The following MRTFB variants were observed in gnomAD, a reference collection of about 807,000 sequenced individuals.
The protein encoded by MRTFB is myocardin-related transcription factor B.
A neutral mutation model predicts 104.2 loss-of-function variants in MRTFB; 29 were observed. The observed-to-expected ratio is 0.28, with a 90% CI of 0.21 to 0.38. The LOEUF (loss-of-function observed/expected upper bound fraction) is 0.38. Among genes scored for constraint, MRTFB ranks in the 10% least tolerant of loss-of-function variants. The pLI is 1.00. For missense variants in MRTFB, 1,270 were observed against 1,341.6 expected (o/e 0.95, Z 0.83); for synonymous variants, 535 against 519.5 (o/e 1.03, Z -0.41).
At chr16:14,161,903 G>C (rs1439740405) in intron 3 of MRTFB, among the ~76,000 whole-genome samples, 1 of 152,150 alleles carries the variant, frequency 6.6e-6, no homozygotes, top group African/African-American at 2.4e-5. Context: ...AGAGCAGTTG[G>C]TGGGTACATA....
At chr16:14,100,884 A>G (rs1027760090) in intron 2 of MRTFB, among the ~76,000 whole-genome samples, 20 of 152,294 alleles carry the variant, frequency 1.3e-4, no homozygotes, top group Non-Finnish European at 2.4e-4. Context: ...CCCTATTAGC[A>G]TAGAATCTAT....
At chr16:14,164,861 A>C (rs1318452844) in intron 3 of MRTFB, among the ~76,000 whole-genome samples, 1 of 151,842 alleles carries the variant, frequency 6.6e-6, no homozygotes, top group Admixed American at 6.6e-5. Context: ...CTCAATTATG[A>C]GCATTTTTGC....
At chr16:14,072,884 A>T (rs2033802751) in intron 1 of MRTFB, among the ~76,000 whole-genome samples, 1 of 152,214 alleles carries the variant, frequency 6.6e-6, no homozygotes, top group African/African-American at 2.4e-5. Flanking sequence ...ATATTGTAGA[A>T]TTTTTTGTGT....
chr16:14,041,698 G>A, the MRTFB span, among the ~76,000 whole-genome samples: 4 of 151,754 alleles, frequency 2.6e-5, no homozygotes, highest in East Asian at 1.9e-4. Context: ...AGGTCGGGGC[G>A]GGCAGATCAC....
At chr16:14,236,703 C>T (rs2042531581) in intron 9 of MRTFB, among the ~76,000 whole-genome samples, 1 of 152,130 alleles carries the variant, frequency 6.6e-6, no homozygotes, top group Admixed American at 6.5e-5. Flanking sequence ...CAGCAATGGC[C>T]GAGGCAGACA....
Position 14,234,238 on chromosome 16 carries a change from C to T in MRTFB, c.786C>T (p.Pro262=), listed in dbSNP as rs780360188. 4 of 1,614,024 alleles carry T rather than the reference C, an allele frequency of 2.5e-6. No homozygotes were observed. Among genetic ancestry groups the T allele is most frequent in the Admixed American group, 1.7e-5 (1 of 60,002 alleles). ...CACGGCCTGCAGCTCCTGTCCTCCC[C>T]ACAAACACTGTGTCCTCAGCAAAGC... ...PPPRPAAPVL[P]TNTVSSAKPG... Residue 262 remains proline (P), a synonymous_variant, in exon 9 of 17, where the codon CCC becomes CCT. Transcript: ENST00000571589.
the MRTFB span, among the ~76,000 whole-genome samples, chr16:14,040,100 G>C: frequency 3.3e-5 from 5 of 152,266 alleles, no homozygotes; most frequent in East Asian, 9.6e-4. Context: ...TCTGTCCATT[G>C]CTTTAAATTA....
chr16:14,133,718 T>C (rs148538728), intron 2 of MRTFB, among the ~76,000 whole-genome samples: 264 of 152,328 alleles, frequency 1.7e-3, no homozygotes, highest in African/African-American at 5.8e-3. Flanking sequence ...TATAAACATT[T>C]ACTTCTTAGC....
chr16:14,145,311 A>T (rs1432496979), intron 3 of MRTFB, among the ~76,000 whole-genome samples: 1 of 152,144 alleles, frequency 6.6e-6, no homozygotes, highest in Non-Finnish European at 1.5e-5. Context: ...TTATTCCTAG[A>T]CATTTGAATT....
chr16:14,114,918 A>G (rs190303435), intron 2 of MRTFB, among the ~76,000 whole-genome samples: 27 of 152,324 alleles, frequency 1.8e-4, no homozygotes, highest in Admixed American at 1.2e-3. Flanking sequence ...AGCACCTACA[A>G]TAAATAGTGC....
rs866881237 is a variant in MRTFB at position 14,234,426 on chromosome 16, A to G, written c.831+143A>G. 16 of 933,320 alleles carry G rather than the reference A, an allele frequency of 1.7e-5. No individual in the cohort carries two copies. The African/African-American group carries it at 2.5e-4, about 15-fold the overall frequency. 57.8% of individuals were successfully genotyped at this position (933,320 alleles called of 1,614,324 possible). On this transcript the variant is annotated intron_variant, in intron 9 of 16. Coordinates refer to ENST00000571589, the MANE Select transcript of MRTFB (RefSeq NM_001308142.2). ...GTCTTAAAAACTAAGCCATGCAAAG[A>G]CTTGCTAGACTGGGGTCTTCATGTT... is the stretch of plus-strand genomic sequence containing the variant.
intron 3 of MRTFB, among the ~76,000 whole-genome samples, chr16:14,164,015 A>G (rs2039139590): frequency 6.6e-6 from 1 of 152,320 alleles, no homozygotes. Flanking sequence ...TATTTAGGAT[A>G]TCCATCACCT....
At chr16:14,023,571 A>G in the MRTFB span, among the ~76,000 whole-genome samples, 4 of 145,386 alleles carry the variant, frequency 2.8e-5, no homozygotes, top group Admixed American at 1.4e-4. Flanking sequence ...ATCGGCCCCC[A>G]AGGGCAGATA....
chr16:14,225,903 G>C (rs776488665), intron 8 of MRTFB, among the ~76,000 whole-genome samples: 10 of 152,168 alleles, frequency 6.6e-5, no homozygotes, highest in Admixed American at 3.3e-4. Flanking sequence ...TCTTTATGAG[G>C]GGTTATCTAT....
chr16:14,258,123 A>G lies in MRTFB; in HGVS notation c.2726A>G (p.Gln909Arg). The G allele has an allele frequency of 6.2e-7, 1 of 1,614,072 alleles. No individual in the cohort carries two copies. The highest frequency in any genetic ancestry group is 8.5e-7 in the Non-Finnish European group (1 of 1,179,922). ...TAGATTTCCAACGCTCACAGTCAGCAGATGGATGACCTCTTTGATATCCTC... is the reference window on the plus strand; with the variant it reads ...TAGATTTCCAACGCTCACAGTCAGCGGATGGATGACCTCTTTGATATCCTC... Reference protein sequence around the residue: ...LPEISNAHSQQMDDLFDILIK... With the variant: ...LPEISNAHSQRMDDLFDILIK... The change falls in exon 16 of 17, where the codon CAG (glutamine) becomes CGG (arginine). Residue 909 changes from glutamine (Q) to arginine (R), a missense_variant. Gln to Arg is a conservative substitution (Grantham distance 43). This residue lies in a region of MRTFB where 1,144 missense variants were observed against 1,131.5 expected (regional missense o/e 1.01). Transcript: ENST00000571589.
chr16:14,118,136 C>CTT (rs2036640089), intron 2 of MRTFB, among the ~76,000 whole-genome samples: 1 of 110,998 alleles, frequency 9.0e-6, no homozygotes, highest in African/African-American at 3.5e-5. Flanking sequence ...TTTTTTTTTT[C>CTT]TTTTTCTTTT....
Position 14,240,409 on chromosome 16 carries a change from T to C in MRTFB, c.1004T>C (p.Leu335Pro). Reference sequence around the variant, plus strand: ...GCCCGCCTGCTCCAGCAGCAGCAGCTGTTCCTGCAACTGCAGATCCTGAGT... The same window carrying C: ...GCCCGCCTGCTCCAGCAGCAGCAGCCGTTCCTGCAACTGCAGATCCTGAGT... ...NYARLLQQQQ[L>P]FLQLQILSQQ... The change falls in exon 10 of 17, where the codon CTG (leucine) becomes CCG (proline). Residue 335 changes from leucine (L) to proline (P), a missense_variant. Leu to Pro is a moderately conservative substitution (Grantham distance 98). This residue lies in a region of MRTFB where 1,144 missense variants were observed against 1,131.5 expected (regional missense o/e 1.01). Coordinates refer to ENST00000571589, the MANE Select transcript of MRTFB (RefSeq NM_001308142.2). 1 of 1,614,236 alleles carries C rather than the reference T, an allele frequency of 6.2e-7. No individual in the cohort carries two copies. Among genetic ancestry groups the C allele is most frequent in the Non-Finnish European group, 8.5e-7 (1 of 1,180,032 alleles).
intron 3 of MRTFB, chr16:14,195,742 A>G (rs748091704): frequency 1.0e-5 from 2 of 191,794 alleles, no homozygotes; most frequent in Non-Finnish European, 1.9e-5. Flanking sequence ...GCAGAGCTTT[A>G]GCTTGTAGCA....
At chr16:14,194,703 T>C (rs1183528799) in intron 3 of MRTFB, among the ~76,000 whole-genome samples, 1 of 95,238 alleles carries the variant, frequency 1.0e-5, no homozygotes, top group Non-Finnish European at 1.8e-5. Context: ...TATGCTTTTC[T>C]TTTTTTTTTT....
Sources: allele counts gnomAD v4.1 joint callset (sites outside exome capture counted in the v4.1 genomes callset), GRCh38; gene constraint gnomAD v4.1.1; regional missense constraint gnomAD v4.1.1; transcripts MANE v1.5; gene names NCBI Gene and HGNC (gene_info 2026-07-23, HGNC 2026-07-21).